The following EVC2 variants were observed in gnomAD, a reference collection of about 807,000 sequenced individuals.
EVC2 encodes the protein EvC ciliary complex subunit 2, also known as limbin.
EVC2 carries 148 observed loss-of-function variants against 149.3 expected under a neutral mutation model. That is an observed-to-expected ratio of 0.99 (90% CI 0.87 to 1.14). The LOEUF (loss-of-function observed/expected upper bound fraction) is 1.14. Among genes scored for constraint, EVC2 ranks in the 50% most tolerant of loss-of-function variants. The pLI is 0.00. For missense variants in EVC2, 1,854 were observed against 1,627.3 expected, an observed-to-expected ratio of 1.14 and a Z score of -2.40; for synonymous variants, 776 against 649.9, an observed-to-expected ratio of 1.19 and a Z score of -2.95.
chr4:5,575,472 T>A (rs887722660), intron 18 of EVC2, among the ~76,000 whole-genome samples: 6 of 152,214 alleles, frequency 3.9e-5, no homozygotes, highest in African/African-American at 1.2e-4. Flanking sequence ...AACTGCACTT[T>A]GATGCATTTA....
intron 16 of EVC2, among the ~76,000 whole-genome samples, chr4:5,610,409 C>T (rs1342709536): frequency 2.6e-5 from 4 of 152,156 alleles, no homozygotes; most frequent in Non-Finnish European, 5.9e-5. Context: ...TCAATCAGTG[C>T]ATAAGACAAA....
At position 5,567,951 on chromosome 4, in the gene EVC2, T is replaced by A. The variant is rs1378565689; in HGVS notation, c.3557+493A>T. ...GAGCGTTAAAAGGTAAGGAGCAAAA[T>A]CGCTTCTGCTGTAAGATTCTGAAAT... On this transcript the variant is annotated intron_variant, in intron 20 of 21. Transcript: ENST00000344408. The surrounding 1 kb of genome is among the most constrained non-coding windows in gnomAD (Gnocchi z 4.4). 6.6e-6 allele frequency among the ~76,000 whole-genome samples: 1 copy of A among 152,210 alleles called. No homozygotes were observed. Among genetic ancestry groups the A allele is most frequent in the African/African-American group, 2.4e-5 (1 of 41,440 alleles).
At chr4:5,542,379 T>C (rs1271802944), downstream of EVC2, among the ~76,000 whole-genome samples, 2 of 152,172 alleles carry the variant, frequency 1.3e-5, no homozygotes, top group Non-Finnish European at 2.9e-5. Context: ...CACTTGAGCC[T>C]GGGAGTTTGA....
chr4:5,633,424 C>T lies in EVC2; in HGVS notation c.1471-1392G>A, dbSNP rs1314897608. ...GCAGGAATAGAAAACTGACACCCTC[C>T]GTTTTATAAGAGAAGAAACACAAGC... On this transcript the variant is annotated intron_variant, in intron 10 of 21. Transcript: ENST00000344408. The surrounding 1 kb of genome is among the most constrained non-coding windows in gnomAD (Gnocchi z 4.4). 6.6e-6 allele frequency among the ~76,000 whole-genome samples: 1 copy of T among 152,188 alleles called. No individual in the cohort carries two copies. Among genetic ancestry groups the T allele is most frequent in the Non-Finnish European group, 1.5e-5 (1 of 68,044 alleles).
At chr4:5,599,581 A>G (rs1232367243) in intron 16 of EVC2, among the ~76,000 whole-genome samples, 4 of 151,784 alleles carry the variant, frequency 2.6e-5, no homozygotes, top group African/African-American at 9.7e-5. Context: ...TGGGGTGGGC[A>G]GAGGGGGGAG....
chr4:5,558,600 G>C (rs1023021668), downstream of EVC2, among the ~76,000 whole-genome samples: 11 of 152,166 alleles, frequency 7.2e-5, no homozygotes, highest in African/African-American at 2.7e-4. Flanking sequence ...AAGAAATCCA[G>C]AGAATTCCAG....
At chr4:5,597,178 A>G (rs1474921299) in intron 16 of EVC2, among the ~76,000 whole-genome samples, 1 of 152,192 alleles carries the variant, frequency 6.6e-6, no homozygotes, top group Non-Finnish European at 1.5e-5. Context: ...AACTATTCCA[A>G]TCAATAGAAA....
intron 21 of EVC2, among the ~76,000 whole-genome samples, chr4:5,553,369 C>T (rs992517958): frequency 6.6e-6 from 1 of 152,140 alleles, no homozygotes; most frequent in African/African-American, 2.4e-5. Flanking sequence ...CAATCACTTC[C>T]CACCAGGCCC....
At chr4:5,642,872 A>G (rs1048833191) in intron 9 of EVC2, among the ~76,000 whole-genome samples, 2 of 152,240 alleles carry the variant, frequency 1.3e-5, no homozygotes, top group Non-Finnish European at 2.9e-5. Context: ...AAACTTGTCA[A>G]TATTGACCAA....
At chr4:5,644,252 A>G (rs1717546859) in intron 9 of EVC2, among the ~76,000 whole-genome samples, 1 of 152,052 alleles carries the variant, frequency 6.6e-6, no homozygotes, top group Non-Finnish European at 1.5e-5. Flanking sequence ...TCTTTTTTTG[A>G]GTGACCTTTA....
intron 17 of EVC2, among the ~76,000 whole-genome samples, chr4:5,581,074 G>A (rs1711722124): frequency 6.6e-6 from 1 of 152,194 alleles, no homozygotes; most frequent in Admixed American, 6.6e-5. Context: ...CAGAAGCTGA[G>A]CAGATGCATC....
intron 16 of EVC2, among the ~76,000 whole-genome samples, chr4:5,600,452 T>TA (rs553898629): frequency 3.7e-4 from 56 of 152,146 alleles, no homozygotes; most frequent in African/African-American, 1.3e-3. Context: ...ATGCACAATA[T>TA]AAAAAAAATC....
chr4:5,695,827 A>G (rs866112967), intron 2 of EVC2, among the ~76,000 whole-genome samples: 28 of 152,330 alleles, frequency 1.8e-4, no homozygotes, highest in African/African-American at 6.5e-4. Flanking sequence ...TAAAGACTAC[A>G]AGTGCTTTTG....
intron 11 of EVC2, among the ~76,000 whole-genome samples, chr4:5,629,152 G>A (rs890906728): frequency 6.6e-6 from 1 of 152,130 alleles, no homozygotes. Context: ...CACCACAGAG[G>A]AGACAAAACC....
chr4:5,592,781 A>G (rs976837191), intron 16 of EVC2, among the ~76,000 whole-genome samples: 1 of 152,210 alleles, frequency 6.6e-6, no homozygotes, highest in South Asian at 2.1e-4. Context: ...AACACTGCAT[A>G]TGTGGCTCCT....
rs554239676 is a variant in EVC2, at chr4:5,596,292, G to C, written c.2830-11442C>G. Among the ~76,000 whole-genome samples the C allele has an allele frequency of 7.9e-5, 12 of 152,226 alleles. No individual in the cohort carries two copies. The South Asian group carries it at 2.1e-3, about 26-fold the overall frequency. On this transcript the variant is annotated intron_variant, in intron 16 of 21. Transcript: ENST00000344408. ...TTTTTCTCAGCACCACACCACACCT[G>C]TTCCAAAATTGACCACATAGTTGGA...
At chr4:5,642,226 T>C (rs1209663026) in intron 9 of EVC2, among the ~76,000 whole-genome samples, 1 of 152,196 alleles carries the variant, frequency 6.6e-6, no homozygotes, top group Non-Finnish European at 1.5e-5. Flanking sequence ...CTATTGTAAA[T>C]AGTGCTGCAC....
At chr4:5,634,832 G>T (rs1168978955) in intron 10 of EVC2, among the ~76,000 whole-genome samples, 2 of 152,024 alleles carry the variant, frequency 1.3e-5, no homozygotes, top group African/African-American at 4.8e-5. Context: ...TGCCTGGTGT[G>T]ACAGGCACTA....
intron 16 of EVC2, among the ~76,000 whole-genome samples, chr4:5,593,948 C>A (rs956797830): frequency 1.3e-5 from 2 of 152,212 alleles, no homozygotes; most frequent in Non-Finnish European, 2.9e-5. Context: ...GGTCCTACAC[C>A]CATGGAGTCT....
Sources: gnomAD v4.1 joint callset for allele counts (sites outside exome capture counted in the v4.1 genomes callset) on GRCh38, gnomAD v4.1.1 for gene constraint, Gnocchi (gnomAD v3.1) non-coding constraint, MANE v1.5 for transcripts, NCBI Gene and HGNC (gene_info 2026-07-23, HGNC 2026-07-21) for gene names.